The following DEPTOR variants were observed in gnomAD, a reference collection of about 807,000 sequenced individuals.
The protein encoded by DEPTOR is DEP domain containing MTOR interacting protein.
DEPTOR carries 41 observed loss-of-function variants against 41.6 expected under a neutral mutation model. The ratio of observed to expected loss-of-function variants is 0.98; its 90% confidence interval spans 0.77 to 1.28. DEPTOR has a LOEUF of 1.28. Among genes scored for constraint, DEPTOR ranks in the 50% most tolerant of loss-of-function variants. The pLI is 0.00. For missense variants in DEPTOR, 514 were observed against 527.9 expected (o/e 0.97, Z 0.26); for synonymous variants, 195 against 192.3 (o/e 1.01, Z -0.12).
chr8:119,942,544 G>C (rs898767399), intron 3 of DEPTOR, among the ~76,000 whole-genome samples: 1 of 152,118 alleles, frequency 6.6e-6, no homozygotes, highest in Non-Finnish European at 1.5e-5. Flanking sequence ...CTATTTGAAT[G>C]GTAGACTGGA....
chr8:119,996,849 GT>G (rs1812268095), intron 4 of DEPTOR, among the ~76,000 whole-genome samples: 1 of 152,162 alleles, frequency 6.6e-6, no homozygotes, highest in African/African-American at 2.4e-5. Context: ...TTAAGATACT[GT>G]TGCCAAAGCC....
intron 8 of DEPTOR, among the ~76,000 whole-genome samples, chr8:120,033,500 C>T (rs1586667307): frequency 6.6e-6 from 1 of 152,082 alleles, no homozygotes; most frequent in African/African-American, 2.4e-5. Flanking sequence ...GCTCCAGAGC[C>T]CTTGGTCTTT....
At chr8:120,011,903 G>T (rs570444834) in intron 8 of DEPTOR, among the ~76,000 whole-genome samples, 110 of 152,256 alleles carry the variant, frequency 7.2e-4, no homozygotes, top group African/African-American at 2.4e-3. Context: ...GAGTTCATTA[G>T]AGCAGCCTTT....
At chr8:120,044,071 CAA>C (rs371815554) in intron 8 of DEPTOR, among the ~76,000 whole-genome samples, 1 of 90,230 alleles carries the variant, frequency 1.1e-5, no homozygotes. Flanking sequence ...GCTAGCCTAA[CAA>C]AAAAAAAAAA....
chr8:119,949,819 AC>A (rs1430188746), intron 3 of DEPTOR, among the ~76,000 whole-genome samples: 11 of 152,088 alleles, frequency 7.2e-5, no homozygotes, highest in Non-Finnish European at 1.5e-4. Flanking sequence ...AGCTGGGATT[AC>A]AGGTGCACGC....
At chr8:119,932,309 C>A (rs1456078630) in intron 3 of DEPTOR, among the ~76,000 whole-genome samples, 1 of 152,162 alleles carries the variant, frequency 6.6e-6, no homozygotes, top group Admixed American at 6.5e-5. Context: ...TACAGCTTAT[C>A]TCTTGGGATC....
intron 3 of DEPTOR, among the ~76,000 whole-genome samples, chr8:119,959,086 C>T (rs541702789): frequency 5.3e-5 from 8 of 152,004 alleles, no homozygotes; most frequent in Non-Finnish European, 1.0e-4. Flanking sequence ...ATCGCTTATA[C>T]CAACTCTGCT....
rs543355353 is a variant in DEPTOR, at chr8:119,924,331, C to G, written c.123-4069C>G. Among the ~76,000 whole-genome samples the G allele has an allele frequency of 1.1e-4, 16 of 152,126 alleles. No homozygotes were observed. The East Asian group carries it at 3.1e-3, about 29-fold the overall frequency. On this transcript the variant is annotated intron_variant, in intron 1 of 8. Transcript: ENST00000286234. ...GAGAAAAGGTCTAGTTCTTCATCTC[C>G]TTCATTGCACCTATCTTTCCCCAAC... is the stretch of plus-strand genomic sequence containing the variant.
At chr8:119,929,611 T>C (rs918109542) in intron 2 of DEPTOR, among the ~76,000 whole-genome samples, 1 of 152,166 alleles carries the variant, frequency 6.6e-6, no homozygotes, top group East Asian at 1.9e-4. Context: ...GTGATGGTGA[T>C]AATAATAGCT....
intron 3 of DEPTOR, among the ~76,000 whole-genome samples, chr8:119,940,734 G>A (rs1016086101): frequency 3.9e-5 from 6 of 151,914 alleles, no homozygotes; most frequent in South Asian, 2.1e-4. Flanking sequence ...GTGAAACTCC[G>A]TCTCAAATTA....
chr8:120,004,986 G>T (rs1372717326), intron 6 of DEPTOR, among the ~76,000 whole-genome samples: 1 of 152,128 alleles, frequency 6.6e-6, no homozygotes, highest in African/African-American at 2.4e-5. Flanking sequence ...GATGTTATCA[G>T]TATCATTGTG....
chr8:120,048,073 C>T (rs917437415), intron 8 of DEPTOR, among the ~76,000 whole-genome samples: 6 of 151,872 alleles, frequency 4.0e-5, no homozygotes, highest in South Asian at 4.2e-4. Flanking sequence ...GATCCCTGAG[C>T]GATGCGGAGA....
chr8:119,972,274 T>TG (rs1164092055), intron 4 of DEPTOR, among the ~76,000 whole-genome samples: 2 of 152,240 alleles, frequency 1.3e-5, no homozygotes, highest in African/African-American at 4.8e-5. Context: ...TTCACGTATG[T>TG]ATTTCCCTGT....
chr8:119,959,195 C>T (rs1828457748), intron 3 of DEPTOR, among the ~76,000 whole-genome samples: 1 of 136,208 alleles, frequency 7.3e-6, no homozygotes, highest in Non-Finnish European at 1.5e-5. Flanking sequence ...CAGAATCTCG[C>T]TCTGTCACCC....
At chr8:119,980,529 T>C (rs145494232) in intron 4 of DEPTOR, among the ~76,000 whole-genome samples, 100 of 150,850 alleles carry the variant, frequency 6.6e-4, no homozygotes, top group African/African-American at 2.1e-3. Flanking sequence ...TTGTGTTTTT[T>C]TTTTGGAGAT....
At chr8:119,968,894 C>T (rs1450600168) in intron 4 of DEPTOR, among the ~76,000 whole-genome samples, 2 of 152,026 alleles carry the variant, frequency 1.3e-5, no homozygotes, top group African/African-American at 2.4e-5. Flanking sequence ...CATGGTGGCT[C>T]AGCGAGCTGG....
chr8:119,937,106 A>G (rs1828122700), intron 3 of DEPTOR, among the ~76,000 whole-genome samples: 1 of 151,968 alleles, frequency 6.6e-6, no homozygotes, highest in African/African-American at 2.4e-5. Context: ...ACAAATTGCA[A>G]ACTGTAATAA....
chr8:119,994,031 C>A (rs1414017992), intron 4 of DEPTOR, among the ~76,000 whole-genome samples: 1 of 151,878 alleles, frequency 6.6e-6, no homozygotes, highest in East Asian at 1.9e-4. Context: ...TGGCAGGTGC[C>A]TGTAATCCCA....
intron 1 of DEPTOR, among the ~76,000 whole-genome samples, chr8:119,910,497 G>A (rs531366389): frequency 8.6e-5 from 13 of 151,874 alleles, no homozygotes; most frequent in African/African-American, 2.9e-4. Context: ...CTGTCCCCCA[G>A]GCTGGAGTGC....
Sources: gnomAD v4.1 joint callset for allele counts (sites outside exome capture counted in the v4.1 genomes callset) on GRCh38, gnomAD v4.1.1 for gene constraint, MANE v1.5 for transcripts, NCBI Gene and HGNC (gene_info 2026-07-23, HGNC 2026-07-21) for gene names.